ZNF684: variants seen among roughly 807,000 people sequenced by gnomAD.
The protein encoded by ZNF684 is zinc finger protein 684, also known as hypothetical protein MGC27466.
In ZNF684, 13 loss-of-function variants were observed where a neutral mutation model predicts 12.8. The ratio of observed to expected loss-of-function variants is 1.02; its 90% CI spans 0.66 to 1.62. The LOEUF is 1.62. Ranked by LOEUF, ZNF684 falls within the 40% of genes most tolerant of loss-of-function variation. The pLI is 0.00. For synonymous variants in ZNF684, 118 were observed against 151.8 expected (o/e 0.78, Z 1.64); for missense variants, 384 against 446.9 (o/e 0.86, Z 1.27).
rs368144014 is a variant in ZNF684 at position 40,541,697 on chromosome 1, C to G, written c.225C>G (p.His75Gln). 1.2e-5 allele frequency: 19 copies of G among 1,612,620 alleles called. No individual in the cohort carries two copies. Among genetic ancestry groups the G allele is most frequent in the Admixed American group, 3.3e-5 (2 of 59,890 alleles). Residue 75 changes from histidine to glutamine, a missense_variant, in exon 4 of 5, where the codon CAC becomes CAG. His to Gln is a conservative substitution (Grantham distance 24). Transcript: ENST00000372699. ...GGATGGTGGAGGGAGCGAATCCACA[C>G]GAGAGCTCTCCAGGTGAGTGAGAGA... Reference protein sequence around the residue: ...EPWMVEGANPHESSPESDYPL... With the variant: ...EPWMVEGANPQESSPESDYPL...
At chr1:40,532,918 C>T (rs1438998103) in intron 1 of ZNF684, among the ~76,000 whole-genome samples, 1 of 152,170 alleles carries the variant, frequency 6.6e-6, no homozygotes, top group Non-Finnish European at 1.5e-5. Context: ...AAACATATAA[C>T]ATCCTTATCT....
Position 40,547,615 on chromosome 1 carries a change from T to C in ZNF684, c.*155T>C, listed in dbSNP as rs1000310434. On this transcript the variant is annotated 3_prime_UTR_variant, in exon 5 of 5. Transcript: ENST00000372699. ...AATGCCAATCATGTTCTGGAAGTGATAATAAACTTTTTACAGAAAATATGA... is the reference window on the plus strand; with the variant it reads ...AATGCCAATCATGTTCTGGAAGTGACAATAAACTTTTTACAGAAAATATGA... 1.6e-6 allele frequency: 1 copy of C among 611,112 alleles called. No individual in the cohort carries two copies. Among genetic ancestry groups the C allele is most frequent in the South Asian group, 3.7e-5 (1 of 26,982 alleles). The allele number at this position is 611,112 out of a possible 1,614,324, so 37.9% of individuals were successfully genotyped here. A position where few individuals can be genotyped will look rare whatever the true frequency, so the allele number is the denominator to read the frequency against.
At chr1:40,542,092 T>C (rs1411995551) in intron 4 of ZNF684, among the ~76,000 whole-genome samples, 1 of 152,232 alleles carries the variant, frequency 6.6e-6, no homozygotes, top group African/African-American at 2.4e-5. Flanking sequence ...TTTGAGGCGT[T>C]ACTCTACCAA....
intron 2 of ZNF684, among the ~76,000 whole-genome samples, chr1:40,538,203 G>T (rs1645995368): frequency 6.6e-6 from 1 of 151,844 alleles, no homozygotes; most frequent in Non-Finnish European, 1.5e-5. Context: ...ATGTTGTCCA[G>T]GCTGGTCTCA....
At chr1:40,545,069 T>C (rs1195673420) in intron 4 of ZNF684, 1 of 152,234 alleles carries the variant, frequency 6.6e-6, no homozygotes, top group Non-Finnish European at 1.5e-5. Context: ...TGTTGAATTT[T>C]TCAGTGGATT....
Position 40,547,378 on chromosome 1 carries a change from A to C in ZNF684, c.1055A>C (p.Glu352Ala). The change falls in exon 5 of 5, where the codon GAG becomes GCG. Residue 352 changes from glutamate (E) to alanine (A), a missense_variant. Coordinates refer to ENST00000372699, the MANE Select transcript of ZNF684 (RefSeq NM_152373.4). ...LLRHQITHTG[E>A]KPYECNRCGK... Reference sequence around the variant, plus strand: ...AGACATCAGATAACTCATACAGGAGAGAAGCCCTATGAATGTAACAGATGT... The same window carrying C: ...AGACATCAGATAACTCATACAGGAGCGAAGCCCTATGAATGTAACAGATGT... The C allele has an allele frequency of 6.2e-7, 1 of 1,614,190 alleles. No individual in the cohort carries two copies. The highest frequency in any genetic ancestry group is 8.5e-7 in the Non-Finnish European group (1 of 1,180,032).
In ZNF684 at chr1:40,536,905, G is replaced by T. The variant is rs1014223532; in HGVS notation, c.16-3681G>T. 6.1e-4 allele frequency among the ~76,000 whole-genome samples: 92 copies of T among 150,452 alleles called. 1 individual carries two copies. Among genetic ancestry groups the T allele is most frequent in the Admixed American group, 5.0e-3 (75 of 15,084 alleles). On this transcript the variant is annotated intron_variant, in intron 2 of 4. Coordinates refer to ENST00000372699, the MANE Select transcript of ZNF684 (RefSeq NM_152373.4). ...ATATGTGCCACATTTTCTTAATCCA[G>T]TCTATCATTGTTGGACATTTGGGTT... is the stretch of plus-strand genomic sequence containing the variant.
In ZNF684 at chr1:40,547,493, A is replaced by T. The variant is rs757143391; in HGVS notation, c.*33A>T. 6.6e-6 allele frequency: 10 copies of T among 1,520,176 alleles called. No homozygotes were observed. In the East Asian group the frequency reaches 2.3e-4, roughly 35 times the overall value. The allele number at this position is 1,520,176 out of a possible 1,614,324, so 94.2% of individuals were successfully genotyped here. On this transcript the variant is annotated 3_prime_UTR_variant, in exon 5 of 5. Coordinates refer to ENST00000372699, the MANE Select transcript of ZNF684 (RefSeq NM_152373.4). ...TTTATGAATATGAGAAGGCCTTATT[A>T]AATATTTGCTAAATCTTATTAAATA...
intron 2 of ZNF684, 36 bp from the exon 3 acceptor site, chr1:40,540,550 A>G (rs766871010): frequency 1.3e-6 from 2 of 1,548,546 alleles, no homozygotes; most frequent in South Asian, 2.5e-5. Context: ...CGCTAGTGAT[A>G]CACACTTTAG....
intron 2 of ZNF684, among the ~76,000 whole-genome samples, chr1:40,538,997 GGCAAT>G (rs1557608233): frequency 6.6e-6 from 1 of 151,880 alleles, no homozygotes; most frequent in Non-Finnish European, 1.5e-5. Context: ...GAGCAGTCTG[GGCAAT>G]GTAGTGAGAC....
chr1:40,539,292 G>A lies in ZNF684; in HGVS notation c.16-1294G>A, dbSNP rs191635399. ...GATCCACCTGCCTCGGCCTCCCAAA[G>A]TGTTGGGATTACAGGCATGAGCCAC... On this transcript the variant is annotated intron_variant, in intron 2 of 4. Transcript: ENST00000372699. Among the ~76,000 whole-genome samples, 31 of 152,226 alleles carry A rather than the reference G, an allele frequency of 2.0e-4. No homozygotes were observed. The East Asian group carries it at 5.8e-3, about 29-fold the overall frequency.
chr1:40,536,689 G>A (rs11208346), intron 2 of ZNF684, among the ~76,000 whole-genome samples: 1 of 124,466 alleles, frequency 8.0e-6, no homozygotes, highest in Non-Finnish European at 1.6e-5. Context: ...ACAGGCCCCA[G>A]AGTGTGATGT....
chr1:40,535,160 C>T (rs1390149070), intron 2 of ZNF684, among the ~76,000 whole-genome samples: 1 of 152,136 alleles, frequency 6.6e-6, no homozygotes, highest in Non-Finnish European at 1.5e-5. Context: ...CCCATATTTT[C>T]CTTGTCTCAT....
At chr1:40,541,511 G>A in intron 3 of ZNF684, 104 bp from the exon 4 acceptor site, 2 of 870,714 alleles carry the variant, frequency 2.3e-6, no homozygotes, top group Non-Finnish European at 3.7e-6. Flanking sequence ...AAGGCTGCTT[G>A]TTATCCTTTA....
chr1:40,537,182 C>T (rs372663532), intron 2 of ZNF684, among the ~76,000 whole-genome samples: 1 of 152,268 alleles, frequency 6.6e-6, no homozygotes, highest in South Asian at 2.1e-4. Context: ...CCTGTTGTTT[C>T]CTGACTTTTT....
chr1:40,544,210 T>G (rs2124511788), intron 4 of ZNF684, among the ~76,000 whole-genome samples: 1 of 152,284 alleles, frequency 6.6e-6, no homozygotes, highest in East Asian at 1.9e-4. Context: ...AAATGTTACC[T>G]GAAAAGGTTC....
intron 2 of ZNF684, among the ~76,000 whole-genome samples, chr1:40,535,592 G>GT (rs112514426): frequency 0.35 from 43,932 of 126,768 alleles, 6,488 homozygotes; most frequent in South Asian, 0.43. Context: ...GTAGATAGTT[G>GT]TTTTTTTTTT....
intron 1 of ZNF684, 72 bp from the exon 2 acceptor site, chr1:40,533,071 C>G (rs780842878): frequency 7.8e-7 from 1 of 1,278,262 alleles, no homozygotes; most frequent in East Asian, 2.3e-5. Context: ...TCTGATAGAG[C>G]AGGGTTCTAC....
Position 40,541,673 on chromosome 1 carries a change from G to A in ZNF684, c.201G>A (p.Trp67Ter), listed in dbSNP as rs992453346. 6.2e-7 allele frequency: 1 copy of A among 1,613,498 alleles called. No individual in the cohort carries two copies. Among genetic ancestry groups the A allele is most frequent in the Non-Finnish European group, 8.5e-7 (1 of 1,179,694 alleles). ...AGGTAGAGCAAGGACAAGAGCCATG[G>A]ATGGTGGAGGGAGCGAATCCACACG... Reference protein sequence around the residue: ...ILKVEQGQEPWMVEGANPHES... With the variant: ...ILKVEQGQEP The change falls in exon 4 of 5, where the codon TGG becomes TGA. Residue 67 changes from tryptophan to a stop codon, truncating the protein, a stop_gained. Transcript: ENST00000372699. LOFTEE classifies it low-confidence loss of function (END_TRUNC).
Sources: gnomAD v4.1 joint callset for allele counts (sites outside exome capture counted in the v4.1 genomes callset) on GRCh38, gnomAD v4.1.1 for gene constraint, MANE v1.5 for transcripts, NCBI Gene and HGNC (gene_info 2026-07-23, HGNC 2026-07-21) for gene names.